ASIC2: variants seen among roughly 807,000 people sequenced by gnomAD.
ASIC2 encodes the protein acid-sensing ion channel 2.
Under a neutral mutation model 57.3 loss-of-function variants are expected in ASIC2, and 25 were observed. That is an observed-to-expected ratio of 0.44 (90% CI 0.32 to 0.61). The LOEUF (loss-of-function observed/expected upper bound fraction) is 0.61. ASIC2 is among the 20% of genes least tolerant of loss of function. The pLI, the probability that ASIC2 is intolerant of heterozygous loss-of-function variation, is 0.06. For missense variants in ASIC2, 641 were observed against 738.1 expected (o/e 0.87, Z 1.52); for synonymous variants, 319 against 307.5 (o/e 1.04, Z -0.39).
intron 1 of ASIC2, among the ~76,000 whole-genome samples, chr17:33,579,702 A>G (rs940387400): frequency 7.2e-5 from 11 of 152,164 alleles, no homozygotes; most frequent in Non-Finnish European, 1.5e-4. Flanking sequence ...AGACCTTCGC[A>G]GCCAGCGTTA....
intron 2 of ASIC2, among the ~76,000 whole-genome samples, chr17:33,102,565 C>T (rs1267473399): frequency 6.6e-6 from 1 of 152,120 alleles, no homozygotes; most frequent in Non-Finnish European, 1.5e-5. Context: ...ACAGTGTCCT[C>T]TTCTCCATCC....
chr17:33,099,858 T>C (rs373834355), intron 2 of ASIC2: 2 of 152,202 alleles, frequency 1.3e-5, no homozygotes, highest in Non-Finnish European at 2.9e-5. Context: ...TGTATATAGA[T>C]TGTGATGTGA....
At chr17:33,938,429 G>T (rs933871988) in intron 1 of ASIC2, among the ~76,000 whole-genome samples, 10 of 152,136 alleles carry the variant, frequency 6.6e-5, no homozygotes, top group African/African-American at 2.4e-4. Context: ...ACCCTTACCA[G>T]CTCCTACTAG....
chr17:33,514,529 C>A (rs1914512377), intron 1 of ASIC2, among the ~76,000 whole-genome samples: 1 of 152,198 alleles, frequency 6.6e-6, no homozygotes, highest in South Asian at 2.1e-4. Flanking sequence ...AGGAGGCCAA[C>A]AAGACAAATG....
rs369922642 is a variant in ASIC2 at position 33,144,160 on chromosome 17, A to AC, written c.709-32094_709-32093insG. The stretch of plus-strand genomic sequence containing the variant: ...CTGGAATTAAAAAACAAACAAACAA[A>AC]AAAAAAAACGAAAAACAAAAACAAA... On this transcript the variant is annotated intron_variant, in intron 1 of 9. Transcript: ENST00000225823. 9.1e-3 allele frequency among the ~76,000 whole-genome samples: 700 copies of AC among 77,282 alleles called. 5 individuals carry two copies. The highest frequency in any genetic ancestry group is 0.036 in the African/African-American group (662 of 18,602). 50.7% of individuals were successfully genotyped at this position (77,282 alleles called of 152,430 possible).
chr17:33,365,245 A>G (rs1029401424), intron 1 of ASIC2, among the ~76,000 whole-genome samples: 1 of 151,968 alleles, frequency 6.6e-6, no homozygotes, highest in Non-Finnish European at 1.5e-5. Context: ...TTTCCCTGAC[A>G]CTCTGAAGTG....
intron 1 of ASIC2, among the ~76,000 whole-genome samples, chr17:33,864,739 G>A (rs1914188156): frequency 6.6e-6 from 1 of 152,122 alleles, no homozygotes; most frequent in Non-Finnish European, 1.5e-5. Context: ...GCAGAGCTCA[G>A]GGAGAAACAG....
chr17:33,264,939 G>A (rs1909410156), intron 1 of ASIC2, among the ~76,000 whole-genome samples: 2 of 152,268 alleles, frequency 1.3e-5, no homozygotes, highest in Admixed American at 1.3e-4. Context: ...AACTCTGCCA[G>A]AGCCTAGCAT....
At chr17:33,997,967 T>G (rs1906214421) in intron 1 of ASIC2, among the ~76,000 whole-genome samples, 1 of 152,188 alleles carries the variant, frequency 6.6e-6, no homozygotes, top group Middle Eastern at 3.2e-3. Flanking sequence ...TTTAAATAAT[T>G]GAATTATTTT....
At chr17:33,465,597 C>A (rs1912838474) in intron 1 of ASIC2, among the ~76,000 whole-genome samples, 1 of 152,128 alleles carries the variant, frequency 6.6e-6, no homozygotes, top group African/African-American at 2.4e-5. Flanking sequence ...TGGTCTTGAA[C>A]TCCTGACCTC....
intron 1 of ASIC2, among the ~76,000 whole-genome samples, chr17:33,220,621 G>A (rs1907654372): frequency 6.6e-6 from 1 of 151,852 alleles, no homozygotes; most frequent in African/African-American, 2.4e-5. Flanking sequence ...AATTTTTTGA[G>A]GATTAAATAA....
chr17:33,193,454 G>C (rs544287140), intron 1 of ASIC2, among the ~76,000 whole-genome samples: 15 of 152,246 alleles, frequency 9.9e-5, no homozygotes, highest in African/African-American at 3.4e-4. Flanking sequence ...CCATTTTCCT[G>C]TAAATGGCTC....
chr17:33,985,473 C>T (rs62058228), intron 1 of ASIC2, among the ~76,000 whole-genome samples: 34,491 of 152,022 alleles, frequency 0.23, 4,368 homozygotes, highest in African/African-American at 0.33. Context: ...GGTCTACAGG[C>T]CATACTTGAA....
intron 1 of ASIC2, among the ~76,000 whole-genome samples, chr17:33,187,862 G>A (rs1350721830): frequency 1.5e-5 from 2 of 133,218 alleles, no homozygotes; most frequent in African/African-American, 2.9e-5. Flanking sequence ...CCAACAACAT[G>A]ACATTCATAA....
At chr17:33,842,890 G>T (rs538294193) in intron 1 of ASIC2, among the ~76,000 whole-genome samples, 1 of 152,146 alleles carries the variant, frequency 6.6e-6, no homozygotes, top group South Asian at 2.1e-4. Flanking sequence ...GGGCCCAGCG[G>T]GGAGAGCCAG....
chr17:33,338,110 G>A (rs1018124041), intron 1 of ASIC2, among the ~76,000 whole-genome samples: 3 of 151,764 alleles, frequency 2.0e-5, no homozygotes, highest in African/African-American at 4.8e-5. Flanking sequence ...TTTCTCTGAG[G>A]TGCTCTGGAA....
intron 1 of ASIC2, among the ~76,000 whole-genome samples, chr17:33,673,136 C>T (rs1907690858): frequency 6.6e-6 from 1 of 152,172 alleles, no homozygotes; most frequent in Non-Finnish European, 1.5e-5. Flanking sequence ...TAGGGTTTGA[C>T]AGGCTCAGGT....
intron 1 of ASIC2, among the ~76,000 whole-genome samples, chr17:33,606,078 A>G (rs1402366048): frequency 6.6e-6 from 1 of 152,192 alleles, no homozygotes; most frequent in African/African-American, 2.4e-5. Flanking sequence ...AGGGAAAACC[A>G]TGAAGGGCTG....
chr17:33,517,970 G>T (rs977274330), intron 1 of ASIC2, among the ~76,000 whole-genome samples: 1 of 152,202 alleles, frequency 6.6e-6, no homozygotes, highest in Non-Finnish European at 1.5e-5. Context: ...TGTAACGACC[G>T]CAGGCTGCAT....
Sources: gnomAD v4.1 joint callset for allele counts (sites outside exome capture counted in the v4.1 genomes callset) on GRCh38, gnomAD v4.1.1 for gene constraint, MANE v1.5 for transcripts, NCBI Gene and HGNC (gene_info 2026-07-23, HGNC 2026-07-21) for gene names.